The following MALRD1 variants were observed in gnomAD, a reference collection of about 807,000 sequenced individuals.
The protein encoded by MALRD1 is MAM and LDL receptor class A domain containing 1.
A neutral mutation model predicts 242.1 loss-of-function variants in MALRD1; 247 were observed. That is an observed-to-expected ratio of 1.02 (90% CI 0.92 to 1.13). MALRD1 has a LOEUF of 1.13. Among genes scored for constraint, MALRD1 ranks in the 50% most tolerant of loss-of-function variants. The pLI, the probability that MALRD1 is intolerant of heterozygous loss-of-function variation, is 0.00. For missense variants in MALRD1, 2,989 were observed against 2,533.1 expected (o/e 1.18, Z -3.86); for synonymous variants, 995 against 866.6 (o/e 1.15, Z -2.60).
chr10:19,230,272 C>G (rs999047527), intron 18 of MALRD1, among the ~76,000 whole-genome samples: 1 of 152,042 alleles, frequency 6.6e-6, no homozygotes, highest in East Asian at 1.9e-4. Flanking sequence ...CTCTGTTAGC[C>G]CATTTGCATT....
chr10:19,213,076 T>C lies in MALRD1; in HGVS notation c.2991+3396T>C, dbSNP rs188282205. 1.9e-3 allele frequency among the ~76,000 whole-genome samples: 287 copies of C among 152,146 alleles called. 4 individuals are homozygous for C. The highest frequency in any genetic ancestry group is 8.4e-4 in the Non-Finnish European group (57 of 67,986). On this transcript the variant is annotated intron_variant, in intron 18 of 39. Coordinates refer to ENST00000454679, the MANE Select transcript of MALRD1 (RefSeq NM_001142308.3). ...ATAGATTCTTTTGAAGAGCAGATTC[T>C]TTTTTTTAAATTTGATGAGTTCTTC...
chr10:19,333,050 C>G (rs563563791), intron 24 of MALRD1, among the ~76,000 whole-genome samples: 3 of 152,034 alleles, frequency 2.0e-5, no homozygotes, highest in African/African-American at 4.8e-5. Flanking sequence ...GTATGATGTT[C>G]CCCTCCCTTT....
intron 8 of MALRD1, among the ~76,000 whole-genome samples, chr10:19,131,778 T>C (rs1008272583): frequency 3.3e-5 from 5 of 152,162 alleles, no homozygotes; most frequent in African/African-American, 1.2e-4. Context: ...GCATTATTGA[T>C]CCTGGACCGG....
rs1422267454 is a variant in MALRD1 at position 19,113,830 on chromosome 10, C to CACACACACACACACACACACACACAG, written c.695-9661_695-9660insCACACACACACACACACACACACAGA. Among the ~76,000 whole-genome samples the CACACACACACACACACACACACACAG allele has an allele frequency of 4.1e-5, 6 of 144,690 alleles. No homozygotes were observed. The East Asian group carries it at 1.2e-3, about 29-fold the overall frequency. The allele number at this position is 144,690 out of a possible 152,430, so 94.9% of individuals were successfully genotyped here. A position where few individuals can be genotyped will look rare whatever the true frequency, so the allele number is the denominator to read the frequency against. ...ACACACACACACACACACACACACA[C>CACACACACACACACACACACACACAG]AGACACACACACACAGACACATGTG... On this transcript the variant is annotated intron_variant, in intron 5 of 39. Transcript: ENST00000454679.
chr10:19,058,560 A>G (rs1834732947), intron 1 of MALRD1, among the ~76,000 whole-genome samples: 1 of 152,192 alleles, frequency 6.6e-6, no homozygotes, highest in African/African-American at 2.4e-5. Context: ...AAGTCAGTAA[A>G]TTAGAATATA....
chr10:19,655,528 GTGTATATA>G lies in MALRD1; in HGVS notation c.6138-36752_6138-36745del, dbSNP rs1371615480. 3.8e-3 allele frequency among the ~76,000 whole-genome samples: 395 copies of G among 102,938 alleles called. 3 individuals carry two copies. Among genetic ancestry groups the G allele is most frequent in the African/African-American group, 0.013 (369 of 27,800 alleles). 67.5% of individuals were successfully genotyped at this position (102,938 alleles called of 152,430 possible). A position where few individuals can be genotyped will look rare whatever the true frequency, so the allele number is the denominator to read the frequency against. Reference sequence around the variant, plus strand: ...TGTGTGTGTACATATATATGTGTGAGTGTATATATATATATATATATATATATATATAT... The same window carrying G: ...TGTGTGTGTACATATATATGTGTGAGTATATATATATATATATATATATAT... On this transcript the variant is annotated intron_variant, in intron 36 of 39. Coordinates refer to ENST00000454679, the MANE Select transcript of MALRD1 (RefSeq NM_001142308.3).
chr10:19,479,547 T>C (rs887240150), intron 29 of MALRD1, among the ~76,000 whole-genome samples: 2 of 152,206 alleles, frequency 1.3e-5, no homozygotes, highest in African/African-American at 4.8e-5. Context: ...GAAGCTGTTT[T>C]GAGAATTACA....
intron 30 of MALRD1, among the ~76,000 whole-genome samples, chr10:19,496,020 A>G (rs931079390): frequency 2.6e-5 from 4 of 152,196 alleles, no homozygotes; most frequent in African/African-American, 9.7e-5. Context: ...AGAAGACCTA[A>G]CTATCCTAAA....
intron 24 of MALRD1, among the ~76,000 whole-genome samples, chr10:19,343,781 A>G (rs1843988899): frequency 6.6e-6 from 1 of 152,118 alleles, no homozygotes; most frequent in Non-Finnish European, 1.5e-5. Context: ...CACTACCACC[A>G]ATAATGTACA....
At chr10:19,578,044 T>A (rs143546745) in intron 33 of MALRD1, among the ~76,000 whole-genome samples, 1 of 152,196 alleles carries the variant, frequency 6.6e-6, no homozygotes, top group African/African-American at 2.4e-5. Context: ...ATATGTTGTT[T>A]GCTGGAAAGC....
At chr10:19,248,273 G>T (rs954738390) in intron 18 of MALRD1, among the ~76,000 whole-genome samples, 4 of 151,748 alleles carry the variant, frequency 2.6e-5, no homozygotes, top group Admixed American at 2.6e-4. Context: ...TCACTAAAAT[G>T]AGATTTTAAA....
At chr10:19,209,863 C>T (rs967746598) in intron 18 of MALRD1, among the ~76,000 whole-genome samples, 183 bp downstream of exon 18, 1 of 152,116 alleles carries the variant, frequency 6.6e-6, no homozygotes, top group East Asian at 1.9e-4. Flanking sequence ...TTGACTACCC[C>T]CAATGATGTA....
intron 30 of MALRD1, among the ~76,000 whole-genome samples, chr10:19,496,464 A>G (rs939777077): frequency 6.6e-6 from 1 of 152,228 alleles, no homozygotes; most frequent in Non-Finnish European, 1.5e-5. Context: ...ACTTTTGGGT[A>G]AATAATGACA....
Position 19,135,513 on chromosome 10 carries a change from G to A in MALRD1, c.1204-1061G>A, listed in dbSNP as rs76276717. 4.4e-3 allele frequency among the ~76,000 whole-genome samples: 673 copies of A among 152,234 alleles called. 7 individuals carry two copies. The highest frequency in any genetic ancestry group is 0.015 in the African/African-American group (638 of 41,550). On this transcript the variant is annotated intron_variant, in intron 9 of 39. Coordinates refer to ENST00000454679, the MANE Select transcript of MALRD1 (RefSeq NM_001142308.3). ...AAACTTTAAGCTGGATGAAACTGAA[G>A]GAAGTCAATTTTAATTCTTAGTATC...
chr10:19,315,804 A>G (rs906320626), intron 21 of MALRD1, among the ~76,000 whole-genome samples: 4 of 143,974 alleles, frequency 2.8e-5, no homozygotes, highest in Non-Finnish European at 6.0e-5. Flanking sequence ...TATATAATTT[A>G]CTAGGCACAC....
chr10:19,210,778 G>A (rs919315309), intron 18 of MALRD1, among the ~76,000 whole-genome samples: 3 of 152,154 alleles, frequency 2.0e-5, no homozygotes, highest in South Asian at 2.1e-4. Flanking sequence ...GATATAAACC[G>A]AAAGCATGAG....
chr10:19,327,208 C>T (rs1843169494), intron 22 of MALRD1, among the ~76,000 whole-genome samples: 1 of 152,064 alleles, frequency 6.6e-6, no homozygotes, highest in Admixed American at 6.6e-5. Flanking sequence ...CAATTCCATA[C>T]TTTCTCATTT....
chr10:19,574,205 A>G (rs528038965), intron 33 of MALRD1, among the ~76,000 whole-genome samples: 4 of 152,328 alleles, frequency 2.6e-5, no homozygotes, highest in Non-Finnish European at 5.9e-5. Context: ...AGCAAGTCCA[A>G]GTAACTATTT....
intron 12 of MALRD1, among the ~76,000 whole-genome samples, chr10:19,164,389 A>T (rs546777180): frequency 6.6e-6 from 1 of 152,208 alleles, no homozygotes; most frequent in Non-Finnish European, 1.5e-5. Flanking sequence ...TCCATTTATC[A>T]GTATAAAAGC....
Sources: allele counts gnomAD v4.1 joint callset (sites outside exome capture counted in the v4.1 genomes callset), GRCh38; gene constraint gnomAD v4.1.1; transcripts MANE v1.5; gene names NCBI Gene and HGNC (gene_info 2026-07-23, HGNC 2026-07-21).